Variants in FRMD5 observed in about 807,000 individuals in gnomAD.
The protein encoded by FRMD5 is FERM domain-containing protein 5.
In FRMD5, 20 loss-of-function variants were observed where a neutral mutation model predicts 69.0. The ratio of observed to expected loss-of-function variants is 0.29; its 90% CI spans 0.20 to 0.42. The LOEUF is 0.42. FRMD5 is among the 10% of genes least tolerant of loss of function. The probability of loss-of-function intolerance (pLI) is 1.00; values close to 1 mark genes in which losing one functional copy is unlikely to be tolerated. For missense variants in FRMD5, 595 were observed against 708.6 expected (o/e 0.84, Z 1.82); for synonymous variants, 271 against 260.1 (o/e 1.04, Z -0.40).
At chr15:44,064,834 A>G (rs1467954848) in intron 1 of FRMD5, among the ~76,000 whole-genome samples, 2 of 152,190 alleles carry the variant, frequency 1.3e-5, no homozygotes, top group Admixed American at 1.3e-4. Context: ...CTTGTACTCA[A>G]GATGCTCTGG....
intron 1 of FRMD5, among the ~76,000 whole-genome samples, chr15:44,081,102 G>T (rs149517681): frequency 1.3e-5 from 2 of 152,010 alleles, no homozygotes. Context: ...GTCAAGGAAG[G>T]CTCCTTATGC....
chr15:43,937,651 A>G (rs1259695983), intron 1 of FRMD5, among the ~76,000 whole-genome samples: 1 of 151,442 alleles, frequency 6.6e-6, no homozygotes, highest in African/African-American at 2.4e-5. Flanking sequence ...TCTCAAAAAA[A>G]AAAAAAAAAA....
chr15:44,079,218 C>T (rs1022427231), intron 1 of FRMD5, among the ~76,000 whole-genome samples: 1 of 151,980 alleles, frequency 6.6e-6, no homozygotes, highest in Admixed American at 6.6e-5. Context: ...CAGTGAGATA[C>T]CACTTCACAC....
upstream of FRMD5, among the ~76,000 whole-genome samples, chr15:44,195,495 C>T (rs2078278850): frequency 6.6e-6 from 1 of 152,244 alleles, no homozygotes; most frequent in Non-Finnish European, 1.5e-5. Flanking sequence ...TTCCTCTCCG[C>T]CCCGTGGTTC....
intron 1 of FRMD5, among the ~76,000 whole-genome samples, chr15:44,049,070 G>A (rs566138662): frequency 6.6e-6 from 1 of 152,268 alleles, no homozygotes; most frequent in East Asian, 1.9e-4. Flanking sequence ...AAAAATGGCT[G>A]GCATGTGCTA....
chr15:44,155,941 G>A lies in FRMD5; in HGVS notation c.102+39012C>T, dbSNP rs1268954255. 2.6e-5 allele frequency among the ~76,000 whole-genome samples: 4 copies of A among 151,832 alleles called. No individual in the cohort carries two copies. The East Asian group carries it at 7.8e-4, about 30-fold the overall frequency. ...AGTGACCACTGACTAGGTGCAATAA[G>A]GAATATAATGAAATATGCAAGAAGT... On this transcript the variant is annotated intron_variant, in intron 1 of 13. Coordinates refer to ENST00000417257, the MANE Select transcript of FRMD5 (RefSeq NM_032892.5).
chr15:44,092,341 T>G (rs2076484833), intron 1 of FRMD5, among the ~76,000 whole-genome samples: 1 of 152,206 alleles, frequency 6.6e-6, no homozygotes, highest in Non-Finnish European at 1.5e-5. Context: ...GCTCCCAGTC[T>G]TCCCCTATAA....
chr15:44,051,418 C>T (rs1168800075), intron 1 of FRMD5, among the ~76,000 whole-genome samples: 1 of 150,072 alleles, frequency 6.7e-6, no homozygotes, highest in East Asian at 2.0e-4. Flanking sequence ...AAAAATTAGC[C>T]CAGTTTTAAA....
intron 4 of FRMD5, among the ~76,000 whole-genome samples, chr15:43,913,398 T>C (rs942013981): frequency 2.6e-5 from 4 of 152,242 alleles, no homozygotes; most frequent in African/African-American, 9.6e-5. Context: ...AAGAATCAAC[T>C]GACAGCTTCA....
intron 1 of FRMD5, among the ~76,000 whole-genome samples, chr15:44,071,833 C>T (rs1446214321): frequency 6.6e-6 from 1 of 152,150 alleles, no homozygotes; most frequent in East Asian, 1.9e-4. Context: ...TAATATTCCA[C>T]TATATACACA....
chr15:44,040,320 C>T lies in FRMD5; in HGVS notation c.103-116011G>A, dbSNP rs1316526921. ...AATTCAGGAAATACAGAGACCACCA[C>T]AAAGATACTCCTCGAGAAGAGCAAC... On this transcript the variant is annotated intron_variant, in intron 1 of 13. Coordinates refer to ENST00000417257, the MANE Select transcript of FRMD5 (RefSeq NM_032892.5). Among the ~76,000 whole-genome samples, 12 of 152,064 alleles carry T rather than the reference C, an allele frequency of 7.9e-5. No individual in the cohort carries two copies. The East Asian group carries it at 1.9e-3, about 25-fold the overall frequency.
At chr15:44,172,276 T>TC (rs2077819067) in intron 1 of FRMD5, among the ~76,000 whole-genome samples, 1 of 150,064 alleles carries the variant, frequency 6.7e-6, no homozygotes, top group Non-Finnish European at 1.5e-5. Context: ...CTTTTTCTTT[T>TC]TTTTTTTTTT....
chr15:44,002,944 C>T (rs1251196929), intron 1 of FRMD5, among the ~76,000 whole-genome samples: 2 of 152,046 alleles, frequency 1.3e-5, no homozygotes, highest in Admixed American at 1.3e-4. Context: ...TCCTATTATC[C>T]TCACTTTACT....
chr15:43,886,235 G>T (rs928410105), intron 10 of FRMD5, among the ~76,000 whole-genome samples: 2 of 152,106 alleles, frequency 1.3e-5, no homozygotes, highest in African/African-American at 4.8e-5. Flanking sequence ...TTGTGTCTAT[G>T]TCTGGGTAAT....
intron 1 of FRMD5, among the ~76,000 whole-genome samples, chr15:44,140,965 A>G (rs1029346402): frequency 2.0e-5 from 3 of 148,514 alleles, no homozygotes; most frequent in Admixed American, 6.8e-5. Context: ...TATAAGATCA[A>G]CTTGTAAAAA....
At chr15:44,016,828 T>C (rs962110946) in intron 1 of FRMD5, among the ~76,000 whole-genome samples, 1 of 115,554 alleles carries the variant, frequency 8.7e-6, no homozygotes, top group Non-Finnish European at 1.8e-5. Flanking sequence ...ATAACTGTTG[T>C]AGTTCACATA....
At chr15:44,093,371 CA>C (rs2076503027) in intron 1 of FRMD5, among the ~76,000 whole-genome samples, 1 of 151,638 alleles carries the variant, frequency 6.6e-6, no homozygotes, top group African/African-American at 2.4e-5. Flanking sequence ...TTGATCTTAT[CA>C]GGGGTAGGGA....
chr15:44,193,682 T>C (rs776102161), intron 1 of FRMD5, among the ~76,000 whole-genome samples: 9 of 152,098 alleles, frequency 5.9e-5, no homozygotes, highest in Non-Finnish European at 8.8e-5. Context: ...CCAGAGCTGG[T>C]TTCGAGGGGA....
chr15:44,048,836 T>G (rs1892539910), intron 1 of FRMD5, among the ~76,000 whole-genome samples: 1 of 152,150 alleles, frequency 6.6e-6, no homozygotes, highest in Non-Finnish European at 1.5e-5. Flanking sequence ...CCTCCCAAAG[T>G]GCTGGAATTA....
Sources: allele counts gnomAD v4.1 joint callset (sites outside exome capture counted in the v4.1 genomes callset), GRCh38; gene constraint gnomAD v4.1.1; transcripts MANE v1.5; gene names NCBI Gene and HGNC (gene_info 2026-07-23, HGNC 2026-07-21).